CACNB2: variants seen among roughly 807,000 people sequenced by gnomAD.
The protein encoded by CACNB2 is calcium voltage-gated channel auxiliary subunit beta 2, also known as voltage-dependent L-type calcium channel subunit beta-2.
CACNB2 carries 42 observed loss-of-function variants against 73.3 expected under a neutral mutation model. The ratio of observed to expected loss-of-function variants is 0.57; its 90% confidence interval spans 0.45 to 0.74. The LOEUF is 0.74. CACNB2 is among the 30% of genes least tolerant of loss of function. CACNB2 has a pLI of 0.00. For synonymous variants in CACNB2, 348 were observed against 310.3 expected (o/e 1.12, Z -1.28); for missense variants, 940 against 853.0 (o/e 1.10, Z -1.27).
In CACNB2 at chr10:18,176,575, G is replaced by A. The variant is rs567386133; in HGVS notation, c.213+25600G>A. On this transcript the variant is annotated intron_variant, in intron 2 of 13. Coordinates refer to ENST00000324631, the MANE Select transcript of CACNB2 (RefSeq NM_201596.3). ...AAGAGGGAAAGTCACAATTCCTATA[G>A]TTGAGCAATATTTTTCCTGGCATTG... Among the ~76,000 whole-genome samples the A allele has an allele frequency of 9.2e-5, 14 of 151,780 alleles. No homozygotes were observed. The South Asian group carries it at 2.9e-3, about 32-fold the overall frequency.
rs181658826 is a variant in CACNB2 at position 18,249,783 on chromosome 10, C to A, written c.213+98808C>A. Among the ~76,000 whole-genome samples the A allele has an allele frequency of 3.6e-3, 550 of 152,322 alleles. 6 individuals carry two copies. The highest frequency in any genetic ancestry group is 0.012 in the African/African-American group (493 of 41,568). On this transcript the variant is annotated intron_variant, in intron 2 of 13. Transcript: ENST00000324631. The stretch of plus-strand genomic sequence containing the variant: ...CTAGTTTATTTCTCTACTCACACCT[C>A]CCTTCTGGACCCTGGGATTATATAT...
chr10:18,310,795 G>A (rs1389850773), intron 2 of CACNB2, among the ~76,000 whole-genome samples: 1 of 151,340 alleles, frequency 6.6e-6, no homozygotes, highest in East Asian at 2.0e-4. Flanking sequence ...ATTGGCCAGG[G>A]TGGTCTCGAA....
intron 1 of CACNB2, among the ~76,000 whole-genome samples, chr10:18,148,870 G>A (rs921553873): frequency 8.6e-5 from 13 of 152,014 alleles, no homozygotes; most frequent in African/African-American, 3.1e-4. Flanking sequence ...ATGTGTGCCT[G>A]TAGTTCCAGT....
At position 18,514,203 on chromosome 10, in the gene CACNB2, T is replaced by C. The variant is rs1449870619; in HGVS notation, c.671-33T>C. 3 of 1,612,224 alleles carry C rather than the reference T, an allele frequency of 1.9e-6. No homozygotes were observed. In the African/African-American group the frequency reaches 4.0e-5, roughly 22 times the overall value. Reference sequence around the variant, plus strand: ...TCTTTATAACCTATTTTTCCTCTCCTGTCCACCTGATTTTTGAATTGTCTG... The same window carrying C: ...TCTTTATAACCTATTTTTCCTCTCCCGTCCACCTGATTTTTGAATTGTCTG... On this transcript the variant is annotated intron_variant, in intron 6 of 13. Coordinates refer to ENST00000324631, the MANE Select transcript of CACNB2 (RefSeq NM_201596.3).
intron 2 of CACNB2, among the ~76,000 whole-genome samples, chr10:18,194,336 A>G (rs1251884372): frequency 4.6e-5 from 7 of 152,200 alleles, no homozygotes; most frequent in Admixed American, 4.6e-4. Flanking sequence ...GAAGGAAGCC[A>G]GGTGGGAGTG....
At chr10:18,362,838 G>T (rs1456957614) in intron 2 of CACNB2, among the ~76,000 whole-genome samples, 1 of 152,154 alleles carries the variant, frequency 6.6e-6, no homozygotes, top group Non-Finnish European at 1.5e-5. Flanking sequence ...AACCCGGCAG[G>T]TGGAGGTTGC....
intron 2 of CACNB2, among the ~76,000 whole-genome samples, chr10:18,316,837 T>C (rs1005626240): frequency 6.6e-6 from 1 of 152,180 alleles, no homozygotes; most frequent in East Asian, 1.9e-4. Context: ...TCTGTCCTTT[T>C]TGTATTAGGA....
chr10:18,265,793 A>G (rs533423735), intron 2 of CACNB2, among the ~76,000 whole-genome samples: 2 of 152,314 alleles, frequency 1.3e-5, no homozygotes, highest in East Asian at 1.9e-4. Flanking sequence ...TTCTGGCCTG[A>G]TACGTAGTTG....
chr10:18,228,462 G>GAAAAAAA (rs1666981304), intron 2 of CACNB2, among the ~76,000 whole-genome samples: 54 of 107,084 alleles, frequency 5.0e-4, no homozygotes, highest in African/African-American at 1.8e-3. Flanking sequence ...AAAAAAAAAA[G>GAAAAAAA]AAAAGAAAAA....
At chr10:18,352,176 T>G (rs2041736445) in intron 2 of CACNB2, among the ~76,000 whole-genome samples, 1 of 152,244 alleles carries the variant, frequency 6.6e-6, no homozygotes, top group Non-Finnish European at 1.5e-5. Context: ...TATCCTTATA[T>G]AAGGGTAAGA....
intron 2 of CACNB2, among the ~76,000 whole-genome samples, chr10:18,316,837 T>G (rs1005626240): frequency 6.6e-6 from 1 of 152,180 alleles, no homozygotes; most frequent in African/African-American, 2.4e-5. Flanking sequence ...TCTGTCCTTT[T>G]TGTATTAGGA....
intron 2 of CACNB2, among the ~76,000 whole-genome samples, chr10:18,153,268 A>G (rs1417472780): frequency 3.3e-5 from 5 of 152,188 alleles, no homozygotes; most frequent in African/African-American, 7.2e-5. Flanking sequence ...GGTGTTTGCT[A>G]TGGCATGGCT....
chr10:18,218,107 C>T (rs1056768442), intron 2 of CACNB2, among the ~76,000 whole-genome samples: 1 of 152,138 alleles, frequency 6.6e-6, no homozygotes, highest in African/African-American at 2.4e-5. Flanking sequence ...CTGTTGTGAT[C>T]ACAAAGGCCT....
At chr10:18,403,537 C>T (rs1333682624) in intron 3 of CACNB2, among the ~76,000 whole-genome samples, 1 of 152,150 alleles carries the variant, frequency 6.6e-6, no homozygotes, top group African/African-American at 2.4e-5. Flanking sequence ...CATCATGATA[C>T]AGCCCAATAG....
chr10:18,414,792 G>A (rs1343095711), intron 3 of CACNB2, among the ~76,000 whole-genome samples: 1 of 151,396 alleles, frequency 6.6e-6, no homozygotes, highest in African/African-American at 2.4e-5. Flanking sequence ...TTATCTTAGA[G>A]CACTATAACT....
chr10:18,354,980 A>T (rs2041852620), intron 2 of CACNB2, among the ~76,000 whole-genome samples: 1 of 149,528 alleles, frequency 6.7e-6, no homozygotes, highest in Non-Finnish European at 1.5e-5. Context: ...CAACGTACAC[A>T]AACTTTGTTT....
chr10:18,179,930 T>C (rs1424646532), intron 2 of CACNB2, among the ~76,000 whole-genome samples: 1 of 152,166 alleles, frequency 6.6e-6, no homozygotes, highest in Admixed American at 6.5e-5. Context: ...GTATTCTCCT[T>C]GGTATAGATG....
chr10:18,213,395 G>C (rs1208682165), intron 2 of CACNB2, among the ~76,000 whole-genome samples: 2 of 152,288 alleles, frequency 1.3e-5, no homozygotes, highest in Middle Eastern at 3.4e-3. Context: ...AGTCACTGTA[G>C]AACCACAGGG....
intron 2 of CACNB2, among the ~76,000 whole-genome samples, chr10:18,346,249 C>T (rs777988520): frequency 2.5e-4 from 38 of 152,074 alleles, no homozygotes; most frequent in Non-Finnish European, 3.7e-4. Flanking sequence ...AAACGATTCT[C>T]CTGCCTCAGC....
Sources: gnomAD v4.1 joint callset for allele counts (sites outside exome capture counted in the v4.1 genomes callset) on GRCh38, gnomAD v4.1.1 for gene constraint, MANE v1.5 for transcripts, NCBI Gene and HGNC (gene_info 2026-07-23, HGNC 2026-07-21) for gene names.